The following RNF121 variants were observed in gnomAD, a reference collection of about 807,000 sequenced individuals.
The protein encoded by RNF121 is ring finger protein 121.
A neutral mutation model predicts 46.5 loss-of-function variants in RNF121; 21 were observed. The ratio of observed to expected loss-of-function variants is 0.45; its 90% CI spans 0.32 to 0.65. The LOEUF (loss-of-function observed/expected upper bound fraction) is 0.65, where lower values mean the gene tolerates loss of function less well. Among genes scored for constraint, RNF121 ranks in the 30% least tolerant of loss-of-function variants. The pLI, the probability that RNF121 is intolerant of heterozygous loss-of-function variation, is 0.04. For missense variants in RNF121, 346 were observed against 416.0 expected, an observed-to-expected ratio of 0.83 and a Z score of 1.46; for synonymous variants, 139 against 144.7, an observed-to-expected ratio of 0.96 and a Z score of 0.28.
At chr11:71,984,346 G>C (rs189791343) in intron 4 of RNF121, among the ~76,000 whole-genome samples, 1 of 142,546 alleles carries the variant, frequency 7.0e-6, no homozygotes. Flanking sequence ...GCACGATCTC[G>C]GCTCACTCGT....
At chr11:71,955,512 G>A (rs548324756) in intron 1 of RNF121, among the ~76,000 whole-genome samples, 5 of 152,174 alleles carry the variant, frequency 3.3e-5, no homozygotes, top group African/African-American at 1.2e-4. Flanking sequence ...CCTAGGCTAG[G>A]GAATCAGGAA....
At chr11:71,987,250 G>T in intron 5 of RNF121, 139 bp downstream of exon 5, 1 of 618,790 alleles carries the variant, frequency 1.6e-6, no homozygotes, top group East Asian at 2.8e-5. Flanking sequence ...TGGGGGGATG[G>T]GAGAAGACAG....
At chr11:71,973,622 A>G (rs1373484094) in intron 3 of RNF121, among the ~76,000 whole-genome samples, 1 of 152,054 alleles carries the variant, frequency 6.6e-6, no homozygotes, top group East Asian at 2.0e-4. Flanking sequence ...CCCCGTCTCT[A>G]CTAATAATAC....
chr11:71,930,004 C>A (rs1026628092), intron 1 of RNF121, among the ~76,000 whole-genome samples: 2 of 152,146 alleles, frequency 1.3e-5, no homozygotes, highest in Non-Finnish European at 2.9e-5. Context: ...ATTGTATGTT[C>A]CCTTTACCTA....
chr11:71,969,539 A>G (rs1014904366), intron 3 of RNF121, among the ~76,000 whole-genome samples: 1 of 152,084 alleles, frequency 6.6e-6, no homozygotes, highest in African/African-American at 2.4e-5. Context: ...TATGTTTTAA[A>G]ATTACGTATA....
At chr11:71,960,697 C>G (rs779343873) in intron 2 of RNF121, 53 bp from the exon 3 acceptor site, 20 of 1,582,832 alleles carry the variant, frequency 1.3e-5, no homozygotes, top group Non-Finnish European at 1.6e-5. Context: ...AGCACTGTCC[C>G]TTTATCACTA....
intron 3 of RNF121, among the ~76,000 whole-genome samples, chr11:71,979,017 G>A (rs1021578984): frequency 6.6e-6 from 1 of 152,160 alleles, no homozygotes; most frequent in Non-Finnish European, 1.5e-5. Context: ...TGAAATTAGG[G>A]TTTGATTTAG....
At chr11:71,965,296 G>C (rs1007121561) in intron 3 of RNF121, among the ~76,000 whole-genome samples, 12 of 147,632 alleles carry the variant, frequency 8.1e-5, no homozygotes, top group Non-Finnish European at 1.5e-4. Flanking sequence ...TGTTGCCCAG[G>C]TTGGAGTGCA....
intron 2 of RNF121, 104 bp downstream of exon 2, chr11:71,957,368 TG>T (rs1475258784): frequency 1.3e-6 from 1 of 799,980 alleles, no homozygotes; most frequent in Non-Finnish European, 2.3e-6. Flanking sequence ...TAGGAGGCAG[TG>T]GCTCATGACC....
At chr11:71,949,083 G>C (rs979357905) in intron 1 of RNF121, among the ~76,000 whole-genome samples, 6 of 152,170 alleles carry the variant, frequency 3.9e-5, no homozygotes, top group African/African-American at 1.4e-4. Flanking sequence ...AATACATCAA[G>C]GGCAAAGGTT....
intron 5 of RNF121, among the ~76,000 whole-genome samples, chr11:71,987,826 G>T (rs1378204469): frequency 6.6e-6 from 1 of 152,200 alleles, no homozygotes; most frequent in Non-Finnish European, 1.5e-5. Context: ...AGTGGTGTCT[G>T]CAAGTCTTCA....
intron 4 of RNF121, among the ~76,000 whole-genome samples, chr11:71,986,603 TA>T (rs983357293): frequency 2.0e-5 from 3 of 150,714 alleles, no homozygotes; most frequent in Non-Finnish European, 3.0e-5. Context: ...CCGTCTCTAC[TA>T]AAAAAAATAT....
At chr11:71,929,170 G>A (rs969377826) in intron 1 of RNF121, 46 bp downstream of exon 1, 23 of 1,538,412 alleles carry the variant, frequency 1.5e-5, no homozygotes, top group Admixed American at 1.2e-4. Flanking sequence ...TGAGACTGAG[G>A]GGAGGGGCAG....
chr11:71,960,676 T>C (rs1344842230), intron 2 of RNF121, 74 bp from the exon 3 acceptor site: 1 of 1,536,486 alleles, frequency 6.5e-7, no homozygotes, highest in Non-Finnish European at 8.9e-7. Context: ...ACTGGTGGGA[T>C]ATCCCTGGAA....
chr11:71,982,504 G>A (rs1954685808), intron 3 of RNF121, among the ~76,000 whole-genome samples: 1 of 152,174 alleles, frequency 6.6e-6, no homozygotes, highest in South Asian at 2.1e-4. Context: ...ATTGCAGTCA[G>A]CCAGCCAAGT....
chr11:71,993,727 T>G (rs1466534969), intron 6 of RNF121, among the ~76,000 whole-genome samples: 1 of 152,188 alleles, frequency 6.6e-6, no homozygotes, highest in Non-Finnish European at 1.5e-5. Context: ...AATTGCTTGG[T>G]CATTTGGTAA....
chr11:71,994,680 C>A, intron 6 of RNF121, 39 bp from the exon 7 acceptor site: 1 of 1,612,550 alleles, frequency 6.2e-7, no homozygotes, highest in Non-Finnish European at 8.5e-7. Flanking sequence ...CTGCTTCTCA[C>A]ATCTTTTCCT....
At chr11:71,946,393 AATTT>A (rs1374992030) in intron 1 of RNF121, among the ~76,000 whole-genome samples, 2 of 152,118 alleles carry the variant, frequency 1.3e-5, no homozygotes, top group Admixed American at 6.5e-5. Context: ...TCAATGAATG[AATTT>A]ATTTATTTAT....
rs764685110 is a variant in RNF121 at position 71,960,891 on chromosome 11, T to C, written c.243T>C (p.Asn81=). The change falls in exon 3 of 9, where the codon AAT becomes AAC. Residue 81 remains asparagine (N), a splice_region_variant and synonymous_variant. Coordinates refer to ENST00000361756, the MANE Select transcript of RNF121 (RefSeq NM_018320.5). ...AGCAGAGGCACCCACGCTCCTACAA[T>C]GTAAGCCACTTTGCCTCTTACTTCT... ...QWKQRHPRSY[N]MVTLFQMWVV... is the part of the protein sequence containing the mutation. 5 of 1,613,374 alleles carry C rather than the reference T, an allele frequency of 3.1e-6. No individual in the cohort carries two copies. Among genetic ancestry groups the C allele is most frequent in the South Asian group, 2.2e-5 (2 of 91,050 alleles).
Sources: allele counts gnomAD v4.1 joint callset (sites outside exome capture counted in the v4.1 genomes callset), GRCh38; gene constraint gnomAD v4.1.1; transcripts MANE v1.5; gene names NCBI Gene and HGNC (gene_info 2026-07-23, HGNC 2026-07-21).